The following KCNT1 variants were observed in gnomAD, a reference collection of about 807,000 sequenced individuals.
KCNT1 encodes potassium sodium-activated channel subfamily T member 1.
A neutral mutation model predicts 147.8 loss-of-function variants in KCNT1; 78 were observed. That is an observed-to-expected ratio of 0.53 (90% confidence interval 0.44 to 0.64). The LOEUF is 0.64. KCNT1 is among the 30% of genes least tolerant of loss of function. The pLI, the probability that KCNT1 is intolerant of heterozygous loss-of-function variation, is 0.00. For synonymous variants in KCNT1, 867 were observed against 748.8 expected (o/e 1.16, Z -2.58); for missense variants, 1,419 against 1,750.3 (o/e 0.81, Z 3.38).
chr9:135,787,284 C>T (rs1834132836), intron 29 of KCNT1, among the ~76,000 whole-genome samples: 1 of 152,210 alleles, frequency 6.6e-6, no homozygotes, highest in Admixed American at 6.5e-5. Context: ...CTTCGGGGCC[C>T]TACATGCCCT....
At chr9:135,764,897 A>T (rs2131472559) in intron 11 of KCNT1, 134 bp from the exon 12 acceptor site, 1 of 811,160 alleles carries the variant, frequency 1.2e-6, no homozygotes, top group Non-Finnish European at 1.9e-6. Flanking sequence ...GGCCCCCCTA[A>T]TGTAGGTGTC....
At chr9:135,768,375 ACT>A in intron 13 of KCNT1, 1 of 164,294 alleles carries the variant, frequency 6.1e-6, no homozygotes, top group Non-Finnish European at 1.1e-5. Flanking sequence ...GGGGATGCCC[ACT>A]GAGGGGGCAC....
rs562137685 is a variant in KCNT1, at chr9:135,758,094, C to T, written c.760-320C>T. Among the ~76,000 whole-genome samples, 64 of 147,088 alleles carry T rather than the reference C, an allele frequency of 4.4e-4. No homozygotes were observed. In the East Asian group the frequency reaches 0.011, roughly 26 times the overall value. Reference sequence around the variant, plus strand: ...CAGCGGAGACGCAGGTGTGGCCAGGCGTGGGCTGCCCCTTGGGCCTCAGCC... The same window carrying T: ...CAGCGGAGACGCAGGTGTGGCCAGGTGTGGGCTGCCCCTTGGGCCTCAGCC... On this transcript the variant is annotated intron_variant, in intron 9 of 30. Coordinates refer to ENST00000371757, the MANE Select transcript of KCNT1 (RefSeq NM_020822.3).
chr9:135,744,169 C>T (rs930099172), intron 2 of KCNT1, among the ~76,000 whole-genome samples: 1 of 152,244 alleles, frequency 6.6e-6, no homozygotes, highest in South Asian at 2.1e-4. Context: ...TGGAGCTTCC[C>T]GGCATGGCCA....
intron 2 of KCNT1, among the ~76,000 whole-genome samples, chr9:135,740,291 G>A (rs944430350): frequency 2.6e-5 from 4 of 152,164 alleles, no homozygotes; most frequent in African/African-American, 7.2e-5. Flanking sequence ...GGAACCTGCC[G>A]GGACCTGGCT....
intron 1 of KCNT1, among the ~76,000 whole-genome samples, chr9:135,707,563 G>A (rs1249953438): frequency 6.6e-6 from 1 of 152,108 alleles, no homozygotes; most frequent in Non-Finnish European, 1.5e-5. Flanking sequence ...CCAGCCAAGG[G>A]TCCTGGGCAC....
chr9:135,770,774 T>C, intron 17 of KCNT1, 83 bp from the exon 18 acceptor site: 1 of 1,313,030 alleles, frequency 7.6e-7, no homozygotes, highest in African/African-American at 1.5e-5. Context: ...GTGGGGACTC[T>C]GGTGATTTGC....
rs1834597529 is a variant in KCNT1 at position 135,792,259 on chromosome 9, G to T, written c.*98G>T. ...ACGGTGGCACTAGCGTGACCCTGGG[G>T]ATGGCACACTCTACTCACCATGGCT... On this transcript the variant is annotated 3_prime_UTR_variant, in exon 31 of 31. Coordinates refer to ENST00000371757, the MANE Select transcript of KCNT1 (RefSeq NM_020822.3). 2 of 1,409,770 alleles carry T rather than the reference G, an allele frequency of 1.4e-6. No homozygotes were observed. The highest frequency in any genetic ancestry group is 2.2e-5 in the Admixed American group (1 of 45,506). The allele number at this position is 1,409,770 out of a possible 1,614,324, so 87.3% of individuals were successfully genotyped here.
At position 135,714,509 on chromosome 9, in the gene KCNT1, G is replaced by T. The variant is rs1835638206; in HGVS notation, c.111-68G>T. 17 of 962,244 alleles carry T rather than the reference G, an allele frequency of 1.8e-5. No homozygotes were observed. Among genetic ancestry groups the T allele is most frequent in the Non-Finnish European group, 1.9e-5 (15 of 810,566 alleles). The allele number at this position is 962,244 out of a possible 1,614,324, so 59.6% of individuals were successfully genotyped here. A position where few individuals can be genotyped will look rare whatever the true frequency, so the allele number is the denominator to read the frequency against. ...TGCGCTGCGCGGGCCGGGCCTGGCG[G>T]GCCGGGGGCTGCGCGCGTCCGCGAG... On this transcript the variant is annotated intron_variant, in intron 1 of 30. Coordinates refer to ENST00000371757, the MANE Select transcript of KCNT1 (RefSeq NM_020822.3). The surrounding 1 kb of genome is among the most constrained non-coding windows in gnomAD (Gnocchi z 6.2).
intron 13 of KCNT1, 115 bp from the exon 14 acceptor site, chr9:135,768,495 C>T (rs926591261): frequency 2.4e-5 from 17 of 712,690 alleles, no homozygotes; most frequent in African/African-American, 1.1e-4. Context: ...TCTTTCTGTG[C>T]ACCTGCTGCA....
intron 20 of KCNT1, 107 bp from the exon 21 acceptor site, chr9:135,777,231 C>G: frequency 8.1e-7 from 1 of 1,235,294 alleles, no homozygotes; most frequent in Non-Finnish European, 1.1e-6. Flanking sequence ...GAGAGGCTAA[C>G]GGCTGGGTGT....
At position 135,730,171 on chromosome 9, in the gene KCNT1, G is replaced by A. The variant is rs1836371584; in HGVS notation, c.254+15451G>A. On this transcript the variant is annotated intron_variant, in intron 2 of 30. Coordinates refer to ENST00000371757, the MANE Select transcript of KCNT1 (RefSeq NM_020822.3). The surrounding 1 kb of genome is among the most constrained non-coding windows in gnomAD (Gnocchi z 4.7). ...TTCTCTTTAATGACAGATTTTCACA[G>A]TAAGGCAGTGTTGAATTGCAGCCTC... Among the ~76,000 whole-genome samples, 1 of 152,180 alleles carries A rather than the reference G, an allele frequency of 6.6e-6. No homozygotes were observed. Among genetic ancestry groups the A allele is most frequent in the African/African-American group, 2.4e-5 (1 of 41,440 alleles).
chr9:135,752,061 A>G lies in KCNT1; in HGVS notation c.434+1020A>G, dbSNP rs538761377. The stretch of plus-strand genomic sequence containing the variant: ...TTTTTCATACCCGTAGATTTCCTCA[A>G]ATGTCTGGTGCCGTTTATGCGTAAG... On this transcript the variant is annotated intron_variant, in intron 4 of 30. Transcript: ENST00000371757. This position sits in a 1 kb window ranked among gnomAD's most constrained non-coding sequence, Gnocchi z 5.1. 4 of 210,030 alleles carry G rather than the reference A, an allele frequency of 1.9e-5. No individual in the cohort carries two copies. The East Asian group carries it at 5.5e-4, about 29-fold the overall frequency. 13.0% of individuals were successfully genotyped at this position (210,030 alleles called of 1,614,324 possible).
At chr9:135,775,487 T>G in intron 20 of KCNT1, 72 bp downstream of exon 20, 1 of 1,133,544 alleles carries the variant, frequency 8.8e-7, no homozygotes, top group Non-Finnish European at 1.3e-6. Context: ...CTGCCCTGGT[T>G]TCTCTTTGGT....
At chr9:135,788,007 GCACCCGCCCACTGTGC>G in intron 29 of KCNT1, 1 of 927,044 alleles carries the variant, frequency 1.1e-6, no homozygotes, top group Non-Finnish European at 1.8e-6. Context: ...AGCTGCCCCT[GCACCCGCCCACTGTGC>G]CGGCCGCCCG....
chr9:135,750,626 C>T, intron 3 of KCNT1: 1 of 509,326 alleles, frequency 2.0e-6, no homozygotes, highest in Non-Finnish European at 3.5e-6. Flanking sequence ...GGGGGTTTCC[C>T]CAGGGGCTCC....
Position 135,757,306 on chromosome 9 carries a change from G to T in KCNT1, c.684G>T (p.Trp228Cys), listed in dbSNP as rs528081292. ...ACCTGTCCCCTTCACAGATCTTCTG[G>T]CCGCCGCTGCGGAACCTGTTCATCC... The part of the protein sequence containing the change: ...NTLPFIITIF[W>C]PPLRNLFIPV... The change falls in exon 9 of 31, where the codon TGG (tryptophan) becomes TGT (cysteine). Residue 228 changes from tryptophan (W) to cysteine (C), a missense_variant. This residue lies in a region of KCNT1 where 401 missense variants were observed against 610.6 expected (regional missense o/e 0.66). Transcript: ENST00000371757. The T allele has an allele frequency of 1.9e-6, 3 of 1,612,266 alleles. No individual in the cohort carries two copies. Among genetic ancestry groups the T allele is most frequent in the South Asian group, 2.2e-5 (2 of 91,062 alleles).
At chr9:135,757,729 C>A (rs1051861227) in intron 9 of KCNT1, among the ~76,000 whole-genome samples, 1 of 152,140 alleles carries the variant, frequency 6.6e-6, no homozygotes, top group Non-Finnish European at 1.5e-5. Context: ...GCCACGGGGC[C>A]ACAGGCAGGC....
chr9:135,750,501 G>T, intron 3 of KCNT1: 2 of 481,836 alleles, frequency 4.2e-6, no homozygotes, highest in Non-Finnish European at 7.6e-6. Context: ...CTCCCCTGTG[G>T]CCACGCCCTG....
Sources: gnomAD v4.1 joint callset for allele counts (sites outside exome capture counted in the v4.1 genomes callset) on GRCh38, gnomAD v4.1.1 for gene constraint, gnomAD v4.1.1 regional missense constraint, Gnocchi (gnomAD v3.1) non-coding constraint, MANE v1.5 for transcripts, NCBI Gene and HGNC (gene_info 2026-07-23, HGNC 2026-07-21) for gene names.